The following TRPC4 variants were observed in gnomAD, a reference collection of about 807,000 sequenced individuals.
TRPC4 encodes the protein short transient receptor potential channel 4.
In TRPC4, 49 loss-of-function variants were observed where a neutral mutation model predicts 99.4. That is an observed-to-expected ratio of 0.49 (90% CI 0.39 to 0.63). The LOEUF is 0.63. TRPC4 is among the 20% of genes least tolerant of loss of function. TRPC4 has a pLI of 0.00. For missense variants in TRPC4, 898 were observed against 1,152.9 expected (o/e 0.78, Z 3.20); for synonymous variants, 454 against 425.9 (o/e 1.07, Z -0.81).
chr13:37,861,194 G>C (rs1010483652), intron 1 of TRPC4, among the ~76,000 whole-genome samples: 4 of 151,332 alleles, frequency 2.6e-5, no homozygotes, highest in African/African-American at 9.7e-5. Context: ...TTCAAAAATT[G>C]ATCATTGCAA....
intron 1 of TRPC4, among the ~76,000 whole-genome samples, chr13:37,809,931 G>A (rs1957628497): frequency 6.6e-6 from 1 of 151,982 alleles, no homozygotes; most frequent in Admixed American, 6.6e-5. Context: ...CTGAGCAAGG[G>A]CTTCTAGATT....
intron 8 of TRPC4, among the ~76,000 whole-genome samples, chr13:37,642,598 G>C (rs1209431969): frequency 2.0e-5 from 3 of 152,040 alleles, no homozygotes; most frequent in Non-Finnish European, 4.4e-5. Flanking sequence ...CAAGATATTG[G>C]GAAAGCTGGT....
At chr13:37,745,868 G>C in intron 3 of TRPC4, 69 bp downstream of exon 3, 2 of 1,520,742 alleles carry the variant, frequency 1.3e-6, no homozygotes, top group Non-Finnish European at 1.8e-6. Flanking sequence ...CTAATTTTGT[G>C]AGTAGCAGTT....
chr13:37,813,902 T>G (rs1338633072), intron 1 of TRPC4, among the ~76,000 whole-genome samples: 1 of 151,672 alleles, frequency 6.6e-6, no homozygotes, highest in Non-Finnish European at 1.5e-5. Context: ...TACAAGCCAG[T>G]ATATCTATGA....
chr13:37,746,264 G>A lies in TRPC4; in HGVS notation c.570C>T (p.Leu190=). The part of the protein sequence containing the change: ...ECVSSSDVDS[L]RHSRSRLNIY... ...TGTTGAGTCTGGAGCGTGAGTGACG[G>A]AGGCTGTCCACATCTGAACTGGACA... Residue 190 remains leucine (L), a synonymous_variant, in exon 3 of 11, where the codon CTC becomes CTT. Coordinates refer to ENST00000379705, the MANE Select transcript of TRPC4 (RefSeq NM_016179.4). 6.2e-7 allele frequency: 1 copy of A among 1,613,822 alleles called. No homozygotes were observed. The highest frequency in any genetic ancestry group is 8.5e-7 in the Non-Finnish European group (1 of 1,179,880).
At chr13:37,649,006 ATT>A (rs11345629) in intron 8 of TRPC4, among the ~76,000 whole-genome samples, 178 of 149,354 alleles carry the variant, frequency 1.2e-3, no homozygotes, top group East Asian at 2.7e-3. Flanking sequence ...GTGAGTAGGT[ATT>A]TTTTTTTTTT....
intron 3 of TRPC4, among the ~76,000 whole-genome samples, chr13:37,709,770 T>C (rs1167668410): frequency 1.3e-5 from 2 of 152,032 alleles, no homozygotes; most frequent in African/African-American, 4.8e-5. Flanking sequence ...CTCTGCAAAC[T>C]CGCATACCAA....
At chr13:37,727,910 T>C (rs1393202159) in intron 3 of TRPC4, among the ~76,000 whole-genome samples, 1 of 152,096 alleles carries the variant, frequency 6.6e-6, no homozygotes, top group African/African-American at 2.4e-5. Context: ...ATCAATGTAA[T>C]ATACTATATT....
intron 1 of TRPC4, among the ~76,000 whole-genome samples, chr13:37,799,660 T>C (rs759406262): frequency 1.5e-5 from 2 of 136,682 alleles, no homozygotes; most frequent in African/African-American, 2.8e-5. Context: ...AAGCAAATAC[T>C]ATTTTATTTT....
At chr13:37,650,376 G>A (rs1486389222) in intron 8 of TRPC4, among the ~76,000 whole-genome samples, 3 of 152,052 alleles carry the variant, frequency 2.0e-5, no homozygotes, top group African/African-American at 7.2e-5. Context: ...TTCAAAATTA[G>A]AACACAAAGT....
intron 1 of TRPC4, among the ~76,000 whole-genome samples, chr13:37,832,273 C>A (rs377638767): frequency 6.6e-6 from 1 of 152,038 alleles, no homozygotes; most frequent in Non-Finnish European, 1.5e-5. Context: ...TTTGGCCACG[C>A]GCTGTAGCCT....
rs371637545 is a variant in TRPC4, at chr13:37,663,406, T to A, written c.1688+10A>T. On this transcript the variant is annotated intron_variant, in intron 6 of 10. Coordinates refer to ENST00000379705, the MANE Select transcript of TRPC4 (RefSeq NM_016179.4). ...ACAACATTACCAGTAGAAATGTCTA[T>A]TAGACTTACGTTGAAAATGCATTAT... 3 of 1,605,634 alleles carry A rather than the reference T, an allele frequency of 1.9e-6. No homozygotes were observed. Among genetic ancestry groups the A allele is most frequent in the Non-Finnish European group, 2.6e-6 (3 of 1,175,660 alleles).
chr13:37,774,238 T>C (rs907134204), intron 2 of TRPC4, among the ~76,000 whole-genome samples: 3 of 151,802 alleles, frequency 2.0e-5, no homozygotes, highest in Admixed American at 2.0e-4. Context: ...TATAAATTTC[T>C]CTTACCCACT....
intron 5 of TRPC4, among the ~76,000 whole-genome samples, chr13:37,672,065 G>T (rs566121767): frequency 8.5e-5 from 13 of 152,134 alleles, no homozygotes; most frequent in African/African-American, 2.9e-4. Flanking sequence ...GAAGAACAAT[G>T]TTTAGATTTT....
At chr13:37,654,166 G>GTA (rs1952144312) in intron 7 of TRPC4, among the ~76,000 whole-genome samples, 1 of 152,072 alleles carries the variant, frequency 6.6e-6, no homozygotes, top group Non-Finnish European at 1.5e-5. Flanking sequence ...GATGGTTGAA[G>GTA]TAAAATTCAG....
At chr13:37,721,154 T>A (rs1954854767) in intron 3 of TRPC4, among the ~76,000 whole-genome samples, 1 of 152,196 alleles carries the variant, frequency 6.6e-6, no homozygotes, top group African/African-American at 2.4e-5. Context: ...CCATTTTTCA[T>A]AAGTGCTTAT....
intron 3 of TRPC4, among the ~76,000 whole-genome samples, chr13:37,741,533 C>G (rs948507863): frequency 1.3e-5 from 2 of 152,180 alleles, no homozygotes; most frequent in Admixed American, 6.5e-5. Flanking sequence ...AAACCTTAAA[C>G]CTGTCCCATC....
At chr13:37,669,923 C>A (rs1393861023) in intron 5 of TRPC4, among the ~76,000 whole-genome samples, 1 of 152,008 alleles carries the variant, frequency 6.6e-6, no homozygotes. Flanking sequence ...ATTGAGCCCC[C>A]CAGTGTGATG....
chr13:37,751,804 A>G (rs1418517314), intron 2 of TRPC4, among the ~76,000 whole-genome samples: 2 of 151,932 alleles, frequency 1.3e-5, no homozygotes, highest in Admixed American at 1.3e-4. Context: ...TATTTGACAG[A>G]AAACTGGAGC....
Sources: gnomAD v4.1 joint callset for allele counts (sites outside exome capture counted in the v4.1 genomes callset) on GRCh38, gnomAD v4.1.1 for gene constraint, MANE v1.5 for transcripts, NCBI Gene and HGNC (gene_info 2026-07-23, HGNC 2026-07-21) for gene names.